Variants in GARRE1 observed in about 807,000 individuals in gnomAD.
GARRE1 encodes the protein granule associated Rac and RHOG effector protein 1.
In GARRE1, 49 loss-of-function variants were observed where a neutral mutation model predicts 103.2. The observed-to-expected ratio is 0.47, with a 90% CI of 0.38 to 0.60. GARRE1 has a LOEUF of 0.60. GARRE1 is among the 20% of genes least tolerant of loss of function. The pLI is 0.00. For synonymous variants in GARRE1, 505 were observed against 532.8 expected (o/e 0.95, Z 0.72); for missense variants, 1,199 against 1,370.5 (o/e 0.87, Z 1.98).
At chr19:34,327,634 G>C in intron 4 of GARRE1, 73 bp downstream of exon 4, 1 of 1,546,872 alleles carries the variant, frequency 6.5e-7, no homozygotes, top group East Asian at 2.3e-5. Flanking sequence ...TTGTGATGTT[G>C]AATCAATTAG....
intron 2 of GARRE1, among the ~76,000 whole-genome samples, chr19:34,301,462 C>T (rs189070622): frequency 1.1e-3 from 158 of 142,088 alleles, no homozygotes; most frequent in East Asian, 4.1e-3. Flanking sequence ...TGCAGTGAGC[C>T]GTGATTGCAC....
chr19:34,275,872 A>AT (rs1034170973), intron 1 of GARRE1, among the ~76,000 whole-genome samples: 1 of 152,142 alleles, frequency 6.6e-6, no homozygotes, highest in African/African-American at 2.4e-5. Flanking sequence ...ATTCTCTAAC[A>AT]TTTTGTCAAC....
Position 34,300,661 on chromosome 19 carries a change from G to A in GARRE1, c.188G>A (p.Cys63Tyr). 1 of 1,613,900 alleles carries A rather than the reference G, an allele frequency of 6.2e-7. No individual in the cohort carries two copies. Among genetic ancestry groups the A allele is most frequent in the Non-Finnish European group, 8.5e-7 (1 of 1,180,016 alleles). Residue 63 changes from cysteine (C) to tyrosine (Y), a missense_variant, in exon 2 of 14, where the codon TGC (cysteine) becomes TAC (tyrosine). Cys to Tyr is a radical substitution (Grantham distance 194). Coordinates refer to ENST00000299505, the MANE Select transcript of GARRE1 (RefSeq NM_014686.5). ...GGCAGTCTGACCGCTGCAGGCAGCT[G>A]CCACCATGCCATGCCCCACACTACT... ...PLGSLTAAGSCHHAMPHTTPI... is the reference protein window; with the variant it reads ...PLGSLTAAGSYHHAMPHTTPI...
rs913356809 is a variant in GARRE1 at position 34,355,549 on chromosome 19, A to G, written c.*2594A>G. On this transcript the variant is annotated 3_prime_UTR_variant, in exon 14 of 14. Coordinates refer to ENST00000299505, the MANE Select transcript of GARRE1 (RefSeq NM_014686.5). ...TAAAATAACTATTGGCTTTATTAAA[A>G]ATATACATTTAATAATACTTTGTAT... 2.6e-5 allele frequency: 4 copies of G among 152,664 alleles called. No individual in the cohort carries two copies. The highest frequency in any genetic ancestry group is 4.4e-5 in the Non-Finnish European group (3 of 68,040). The allele number at this position is 152,664 out of a possible 1,614,324, so 9.5% of individuals were successfully genotyped here.
chr19:34,317,054 G>A (rs1024595800), intron 2 of GARRE1, among the ~76,000 whole-genome samples: 1 of 152,212 alleles, frequency 6.6e-6, no homozygotes, highest in Non-Finnish European at 1.5e-5. Context: ...TGATCTGGGG[G>A]CCCTCCTTCA....
chr19:34,323,018 CTTTTCTTTTTTTTTTTT>C (rs1165909745), intron 3 of GARRE1, among the ~76,000 whole-genome samples: 1 of 94,876 alleles, frequency 1.1e-5, no homozygotes, highest in Non-Finnish European at 2.3e-5. Context: ...CAAAGTATTT[CTTTTCTTTTTTTTTTTT>C]TTTTTTTTTT....
At chr19:34,267,604 A>G (rs1351321993) in intron 1 of GARRE1, among the ~76,000 whole-genome samples, 1 of 152,194 alleles carries the variant, frequency 6.6e-6, no homozygotes, top group Non-Finnish European at 1.5e-5. Context: ...AGTTTTCAGT[A>G]ATCCAACCTT....
chr19:34,276,888 C>G (rs2073820317), intron 1 of GARRE1, among the ~76,000 whole-genome samples: 1 of 152,140 alleles, frequency 6.6e-6, no homozygotes, highest in African/African-American at 2.4e-5. Context: ...GCTTATGTGC[C>G]AGGTGGTAAA....
intron 1 of GARRE1, among the ~76,000 whole-genome samples, chr19:34,290,702 T>A (rs2073912671): frequency 6.6e-6 from 1 of 151,890 alleles, no homozygotes; most frequent in Non-Finnish European, 1.5e-5. Flanking sequence ...TTGCCCGGGC[T>A]GGTCTTGAAC....
chr19:34,301,975 G>C (rs28508132), intron 2 of GARRE1, among the ~76,000 whole-genome samples: 2 of 125,676 alleles, frequency 1.6e-5, no homozygotes, highest in African/African-American at 5.6e-5. Context: ...GAGCCACTGC[G>C]CCCAGCCTTT....
chr19:34,308,015 T>G (rs961107227), intron 2 of GARRE1, among the ~76,000 whole-genome samples: 14 of 151,166 alleles, frequency 9.3e-5, no homozygotes, highest in Admixed American at 7.3e-4. Context: ...ACAACAAATT[T>G]CTTTTGTATA....
intron 3 of GARRE1, among the ~76,000 whole-genome samples, chr19:34,325,454 C>T (rs1021878627): frequency 2.6e-5 from 4 of 152,216 alleles, no homozygotes; most frequent in African/African-American, 9.7e-5. Context: ...TGCCATCCCA[C>T]ACTGGCTTCA....
At chr19:34,324,634 A>G (rs539016186) in intron 3 of GARRE1, among the ~76,000 whole-genome samples, 2 of 151,692 alleles carry the variant, frequency 1.3e-5, no homozygotes, top group Non-Finnish European at 2.9e-5. Context: ...GACTATAGGC[A>G]TGCACCACCA....
rs950348604 is a variant in GARRE1, at chr19:34,355,112, C to A, written c.*2157C>A. On this transcript the variant is annotated 3_prime_UTR_variant, in exon 14 of 14. Coordinates refer to ENST00000299505, the MANE Select transcript of GARRE1 (RefSeq NM_014686.5). ...TCGAGTTCCATTATACTGAAGTACT[C>A]ATGTTTTAATAGTGCCTCTCCAAAG... 1.3e-5 allele frequency: 2 copies of A among 152,654 alleles called. No individual in the cohort carries two copies. Among genetic ancestry groups the A allele is most frequent in the African/African-American group, 4.8e-5 (2 of 41,462 alleles). 9.5% of individuals were successfully genotyped at this position (152,654 alleles called of 1,614,324 possible). A position where few individuals can be genotyped will look rare whatever the true frequency, so the allele number is the denominator to read the frequency against.
chr19:34,318,794 C>T, intron 2 of GARRE1, among the ~76,000 whole-genome samples: 1 of 152,138 alleles, frequency 6.6e-6, no homozygotes, highest in East Asian at 1.9e-4. Flanking sequence ...GTAATCCCAG[C>T]CCTTTGGGAG....
chr19:34,351,652 G>C (rs2074238043), intron 13 of GARRE1, 60 bp downstream of exon 13: 3 of 1,204,786 alleles, frequency 2.5e-6, no homozygotes, highest in East Asian at 4.8e-5. Flanking sequence ...GCAGTTTTCA[G>C]AGGGCCTCAA....
chr19:34,281,329 C>T (rs1487834322), intron 1 of GARRE1, among the ~76,000 whole-genome samples: 1 of 152,168 alleles, frequency 6.6e-6, no homozygotes, highest in Admixed American at 6.5e-5. Flanking sequence ...CTCACTCTGT[C>T]ACCCAGGCTG....
At chr19:34,302,280 C>T (rs1476806676) in intron 2 of GARRE1, among the ~76,000 whole-genome samples, 25 of 145,260 alleles carry the variant, frequency 1.7e-4, no homozygotes, top group Non-Finnish European at 3.0e-4. Flanking sequence ...GCAGGAGCCA[C>T]CGCGCCCAGC....
At position 34,330,358 on chromosome 19, in the gene GARRE1, G is replaced by A. The variant is rs751582801; in HGVS notation, c.1263+11G>A. 60 of 1,613,718 alleles carry A rather than the reference G, an allele frequency of 3.7e-5. No individual in the cohort carries two copies. Among genetic ancestry groups the A allele is most frequent in the Non-Finnish European group, 4.5e-5 (53 of 1,179,774 alleles). On this transcript the variant is annotated intron_variant, in intron 7 of 13. Coordinates refer to ENST00000299505, the MANE Select transcript of GARRE1 (RefSeq NM_014686.5). ...GGCCAGGCTGGACTGGTGAGTGAGC[G>A]TGGGTGGTGGATGATAGGTAGAATA...
Sources: gnomAD v4.1 joint callset for allele counts (sites outside exome capture counted in the v4.1 genomes callset) on GRCh38, gnomAD v4.1.1 for gene constraint, MANE v1.5 for transcripts, NCBI Gene and HGNC (gene_info 2026-07-23, HGNC 2026-07-21) for gene names.